Variants in XPR1 observed in about 807,000 individuals in gnomAD.
The protein encoded by XPR1 is solute carrier family 53 member 1.
In XPR1, 28 loss-of-function variants were observed where a neutral mutation model predicts 87.5. The observed-to-expected ratio is 0.32, with a 90% confidence interval of 0.24 to 0.44. The LOEUF is 0.44. XPR1 is among the 20% of genes least tolerant of loss of function. XPR1 has a pLI of 1.00. For missense variants in XPR1, 559 were observed against 862.3 expected, an observed-to-expected ratio of 0.65 and a Z score of 4.41; for synonymous variants, 300 against 306.1, an observed-to-expected ratio of 0.98 and a Z score of 0.21.
At chr1:180,744,539 G>A (rs1659016563) in intron 2 of XPR1, among the ~76,000 whole-genome samples, 1 of 151,756 alleles carries the variant, frequency 6.6e-6, no homozygotes, top group African/African-American at 2.4e-5. Context: ...TGTATGCCAG[G>A]TAATTTTAGA....
intron 1 of XPR1, 56 bp from the exon 2 acceptor site, chr1:180,682,304 A>G (rs1656602559): frequency 2.1e-6 from 3 of 1,398,310 alleles, no homozygotes; most frequent in Middle Eastern, 1.9e-4. Flanking sequence ...CTTCAGATAC[A>G]TTCAGTATAA....
At chr1:180,732,519 A>G (rs1404532817) in intron 2 of XPR1, among the ~76,000 whole-genome samples, 1 of 152,166 alleles carries the variant, frequency 6.6e-6, no homozygotes, top group Non-Finnish European at 1.5e-5. Context: ...TGACAAATAA[A>G]TGTTGTTTTT....
In XPR1 at chr1:180,806,113, C is replaced by T; in HGVS notation, c.499C>T (p.Leu167=). The part of the protein sequence containing the change: ...RKILKKHDKI[L]ETSRGADWRV... ...AATCCTGAAAAAGCATGACAAGATC[C>T]TGGAAACATCTCGTGGAGCAGATTG... Residue 167 remains leucine (L), a synonymous_variant, in exon 5 of 15, where the codon CTG becomes TTG. Coordinates refer to ENST00000367590, the MANE Select transcript of XPR1 (RefSeq NM_004736.4). The T allele has an allele frequency of 6.2e-7, 1 of 1,613,802 alleles. No individual in the cohort carries two copies. The highest frequency in any genetic ancestry group is 2.2e-5 in the East Asian group (1 of 44,866).
intron 5 of XPR1, 93 bp from the exon 6 acceptor site, chr1:180,806,381 T>C (rs1649992742): frequency 6.7e-7 from 1 of 1,486,324 alleles, no homozygotes; most frequent in African/African-American, 1.4e-5. Flanking sequence ...CAAAAAGTTG[T>C]CAGAATATAA....
At chr1:180,714,270 C>G (rs1657904709) in intron 2 of XPR1, among the ~76,000 whole-genome samples, 1 of 151,874 alleles carries the variant, frequency 6.6e-6, no homozygotes, top group African/African-American at 2.4e-5. Context: ...CTAGCATCAT[C>G]ATTATCAGTC....
intron 2 of XPR1, among the ~76,000 whole-genome samples, chr1:180,723,292 T>C (rs1463046724): frequency 1.3e-5 from 2 of 152,214 alleles, no homozygotes; most frequent in Admixed American, 1.3e-4. Context: ...CTTAAAATAC[T>C]TCTGAAATTT....
chr1:180,849,647 C>T (rs1651801169), intron 11 of XPR1, among the ~76,000 whole-genome samples: 1 of 152,168 alleles, frequency 6.6e-6, no homozygotes, highest in Non-Finnish European at 1.5e-5. Context: ...TCCTACTGAA[C>T]TATTTGTAAA....
At chr1:180,854,727 T>C (rs1558039930) in intron 11 of XPR1, among the ~76,000 whole-genome samples, 1 of 152,194 alleles carries the variant, frequency 6.6e-6, no homozygotes, top group African/African-American at 2.4e-5. Flanking sequence ...TGTTTAATTA[T>C]AGGAAAGAAA....
At chr1:180,640,935 C>G (rs1253017514) in intron 1 of XPR1, among the ~76,000 whole-genome samples, 1 of 152,074 alleles carries the variant, frequency 6.6e-6, no homozygotes, top group East Asian at 1.9e-4. Context: ...CTTTTTTACC[C>G]AAATGGGAAA....
intron 1 of XPR1, among the ~76,000 whole-genome samples, chr1:180,656,588 A>AT (rs1655529788): frequency 1.2e-5 from 1 of 86,594 alleles, no homozygotes; most frequent in African/African-American, 4.2e-5. Flanking sequence ...TGTATGTATA[A>AT]TATATATTTT....
At chr1:180,692,423 TATATTTTATTC>T (rs1657024073) in intron 2 of XPR1, among the ~76,000 whole-genome samples, 10 of 152,252 alleles carry the variant, frequency 6.6e-5, no homozygotes, top group African/African-American at 2.4e-4. Flanking sequence ...TTAAGAATGA[TATATTTTATTC>T]TTCATTAACT....
intron 1 of XPR1, among the ~76,000 whole-genome samples, chr1:180,659,294 G>T (rs1305539525): frequency 1.7e-5 from 2 of 117,782 alleles, no homozygotes; most frequent in Non-Finnish European, 3.3e-5. Context: ...TCCCATCAGT[G>T]TTCACTAGGG....
At chr1:180,777,429 T>C (rs1004618340) in intron 2 of XPR1, among the ~76,000 whole-genome samples, 1 of 152,218 alleles carries the variant, frequency 6.6e-6, no homozygotes, top group Non-Finnish European at 1.5e-5. Context: ...TGATTAAAGT[T>C]TTTTTCCTCA....
intron 12 of XPR1, among the ~76,000 whole-genome samples, chr1:180,864,437 A>G (rs1340780937): frequency 6.6e-6 from 1 of 152,170 alleles, no homozygotes; most frequent in Non-Finnish European, 1.5e-5. Flanking sequence ...ACTTCCAAGC[A>G]TAATTACTGG....
intron 1 of XPR1, among the ~76,000 whole-genome samples, chr1:180,658,497 G>C (rs185549637): frequency 1.3e-4 from 20 of 152,122 alleles, no homozygotes; most frequent in Non-Finnish European, 2.4e-4. Flanking sequence ...TTTATTATGA[G>C]AGGATGTTGA....
chr1:180,813,537 T>C (rs1245724421), intron 7 of XPR1, among the ~76,000 whole-genome samples: 1 of 152,166 alleles, frequency 6.6e-6, no homozygotes, highest in African/African-American at 2.4e-5. Context: ...GGCATTTGTC[T>C]CTCTTGTATC....
chr1:180,677,551 A>G (rs768602876), intron 1 of XPR1, among the ~76,000 whole-genome samples: 2 of 152,152 alleles, frequency 1.3e-5, no homozygotes, highest in South Asian at 2.1e-4. Flanking sequence ...AGGGTCTGCA[A>G]AGTATCTCAG....
At chr1:180,659,937 A>G (rs912024397) in intron 1 of XPR1, among the ~76,000 whole-genome samples, 1 of 152,026 alleles carries the variant, frequency 6.6e-6, no homozygotes, top group Admixed American at 6.6e-5. Context: ...TGTGAGTAGG[A>G]TTGGTATTAG....
chr1:180,687,613 A>G (rs1432780354), intron 2 of XPR1, among the ~76,000 whole-genome samples: 2 of 152,156 alleles, frequency 1.3e-5, no homozygotes, highest in Admixed American at 6.5e-5. Context: ...CAGTGTATTG[A>G]GAAATTATGT....
Sources: allele counts gnomAD v4.1 joint callset (sites outside exome capture counted in the v4.1 genomes callset), GRCh38; gene constraint gnomAD v4.1.1; transcripts MANE v1.5; gene names NCBI Gene and HGNC (gene_info 2026-07-23, HGNC 2026-07-21).